The following LARP4B variants were observed in gnomAD, a reference collection of about 807,000 sequenced individuals.
LARP4B encodes la-related protein 4B.
Under a neutral mutation model 89.8 loss-of-function variants are expected in LARP4B, and 12 were observed. That is an observed-to-expected ratio of 0.13 (90% CI 0.09 to 0.22). The LOEUF (loss-of-function observed/expected upper bound fraction) is 0.22, where lower values mean the gene tolerates loss of function less well. LARP4B is among the 10% of genes least tolerant of loss of function. LARP4B has a pLI of 1.00. For synonymous variants in LARP4B, 367 were observed against 363.3 expected, an observed-to-expected ratio of 1.01 and a Z score of -0.12; for missense variants, 757 against 947.7, an observed-to-expected ratio of 0.80 and a Z score of 2.64.
the LARP4B span, among the ~76,000 whole-genome samples, chr10:964,895 C>T: frequency 6.6e-6 from 1 of 152,184 alleles, no homozygotes; most frequent in Non-Finnish European, 1.5e-5. Context: ...AGATAAACAC[C>T]TACTGTGGGG....
intron 1 of LARP4B, among the ~76,000 whole-genome samples, chr10:902,849 T>C (rs1365149726): frequency 6.6e-6 from 1 of 152,116 alleles, no homozygotes; most frequent in Non-Finnish European, 1.5e-5. Context: ...TTCACCATAT[T>C]GGCCAGGCTG....
intron 1 of LARP4B, among the ~76,000 whole-genome samples, chr10:900,621 T>A (rs1836315789): frequency 6.9e-6 from 1 of 145,680 alleles, no homozygotes; most frequent in African/African-American, 2.5e-5. Flanking sequence ...ATATTTCCTT[T>A]TTTTTTTTTT....
chr10:897,077 T>C (rs1836209249), intron 1 of LARP4B, among the ~76,000 whole-genome samples: 2 of 147,614 alleles, frequency 1.4e-5, no homozygotes, highest in Non-Finnish European at 3.0e-5. Context: ...GCCAAAGCAA[T>C]CTTGAGAAAG....
At chr10:935,722 C>CTTTT (rs10711022), upstream of LARP4B, among the ~76,000 whole-genome samples, 529 of 82,488 alleles carry the variant, frequency 6.4e-3, no homozygotes, top group East Asian at 8.3e-3. Context: ...CTTTTCTTTT[C>CTTTT]TTTTTTTTTT....
intron 1 of LARP4B, among the ~76,000 whole-genome samples, chr10:929,025 T>A (rs975508447): frequency 1.3e-5 from 2 of 152,218 alleles, no homozygotes; most frequent in African/African-American, 4.8e-5. Flanking sequence ...ATGGCAATCT[T>A]CCCGAACATT....
chr10:887,438 G>T (rs1256099976), intron 1 of LARP4B, among the ~76,000 whole-genome samples: 1 of 151,682 alleles, frequency 6.6e-6, no homozygotes, highest in Admixed American at 6.6e-5. Flanking sequence ...GGTCAGATGT[G>T]GTGGCTCATA....
chr10:876,887 G>GCCCCA (rs1307869267), intron 3 of LARP4B, among the ~76,000 whole-genome samples: 2 of 152,094 alleles, frequency 1.3e-5, no homozygotes, highest in African/African-American at 4.8e-5. Flanking sequence ...GGTGGAGGCT[G>GCCCCA]CCCCACAGCT....
At chr10:954,331 T>G in the LARP4B span, among the ~76,000 whole-genome samples, 1 of 152,108 alleles carries the variant, frequency 6.6e-6, no homozygotes. This position sits in a 1 kb window ranked among gnomAD's most constrained non-coding sequence, Gnocchi z 5.0. Flanking sequence ...GGGGAAGGGC[T>G]CCTGCTCCAG....
intron 3 of LARP4B, chr10:873,049 G>C (rs1290255186): frequency 1.0e-6 from 1 of 985,184 alleles, no homozygotes; most frequent in Non-Finnish European, 1.2e-6. Context: ...TACTTATCTT[G>C]TTTTCTGGTT....
At chr10:820,684 A>G (rs1263626839) in intron 14 of LARP4B, 116 bp downstream of exon 14, 3 of 928,464 alleles carry the variant, frequency 3.2e-6, no homozygotes, top group Admixed American at 2.5e-5. Context: ...TCACGTTACA[A>G]GTCTTTTGAA....
At chr10:980,962 T>G in the LARP4B span, among the ~76,000 whole-genome samples, 1 of 152,252 alleles carries the variant, frequency 6.6e-6, no homozygotes, top group Non-Finnish European at 1.5e-5. Flanking sequence ...CAACATTAGG[T>G]CATTTCTTTG....
intron 8 of LARP4B, among the ~76,000 whole-genome samples, chr10:833,836 C>T (rs35443149): frequency 0.11 from 16,568 of 148,928 alleles, 1,170 homozygotes; most frequent in Non-Finnish European, 0.16. Flanking sequence ...TTGCAGTGAG[C>T]TGAGATCACA....
At chr10:823,598 G>T (rs1044900745) in intron 13 of LARP4B, among the ~76,000 whole-genome samples, 2 of 151,188 alleles carry the variant, frequency 1.3e-5, no homozygotes, top group African/African-American at 2.4e-5. Context: ...AGGCCGGGGG[G>T]CCTTGTCCAT....
chr10:845,341 G>C (rs975658417), intron 5 of LARP4B, among the ~76,000 whole-genome samples: 1 of 152,192 alleles, frequency 6.6e-6, no homozygotes, highest in Non-Finnish European at 1.5e-5. Flanking sequence ...TGTAAGCTTA[G>C]TTAATGCCTT....
intron 5 of LARP4B, among the ~76,000 whole-genome samples, chr10:847,568 G>C (rs1266524256): frequency 6.6e-6 from 1 of 151,758 alleles, no homozygotes; most frequent in African/African-American, 2.4e-5. Flanking sequence ...ACCCAGACTG[G>C]AGTGCAGTAG....
In LARP4B at chr10:810,612, T is replaced by C. The variant is rs891041180; in HGVS notation, c.*2314A>G. ...ACACCTTGGGGGAAAGGACTTCTCA[T>C]TATTAAAAACCAAGGACTCACTGGC... On this transcript the variant is annotated 3_prime_UTR_variant, in exon 18 of 18. Transcript: ENST00000316157. The C allele has an allele frequency of 1.3e-5, 2 of 152,222 alleles. No homozygotes were observed. The highest frequency in any genetic ancestry group is 4.8e-5 in the African/African-American group (2 of 41,456). 9.4% of individuals were successfully genotyped at this position (152,222 alleles called of 1,614,324 possible). A position where few individuals can be genotyped will look rare whatever the true frequency, so the allele number is the denominator to read the frequency against.
intron 14 of LARP4B, 130 bp downstream of exon 14, chr10:820,670 G>A: frequency 1.2e-6 from 1 of 823,882 alleles, no homozygotes; most frequent in South Asian, 1.8e-5. Flanking sequence ...TTACTTAGTG[G>A]ATTTCACGTT....
At chr10:854,798 T>C (rs1205062834) in intron 5 of LARP4B, among the ~76,000 whole-genome samples, 1 of 152,084 alleles carries the variant, frequency 6.6e-6, no homozygotes, top group African/African-American at 2.4e-5. Context: ...AACAAGAGAG[T>C]TGGTTTCTAA....
At chr10:881,206 C>T (rs191086114) in intron 3 of LARP4B, among the ~76,000 whole-genome samples, 3 of 152,296 alleles carry the variant, frequency 2.0e-5, no homozygotes, top group South Asian at 2.1e-4. Flanking sequence ...GAGAACCCAT[C>T]GCTGTGGCCC....
Sources: gnomAD v4.1 joint callset for allele counts (sites outside exome capture counted in the v4.1 genomes callset) on GRCh38, gnomAD v4.1.1 for gene constraint, Gnocchi (gnomAD v3.1) non-coding constraint, MANE v1.5 for transcripts, NCBI Gene and HGNC (gene_info 2026-07-23, HGNC 2026-07-21) for gene names.